Variants in CNNM1 observed in about 807,000 individuals in gnomAD.
The protein encoded by CNNM1 is cyclin and CBS domain divalent metal cation transport mediator 1.
CNNM1 carries 44 observed loss-of-function variants against 78.8 expected under a neutral mutation model. The observed-to-expected ratio is 0.56, with a 90% CI of 0.44 to 0.72. The LOEUF (loss-of-function observed/expected upper bound fraction) is 0.72, where lower values mean the gene tolerates loss of function less well. Among genes scored for constraint, CNNM1 ranks in the 30% least tolerant of loss-of-function variants. CNNM1 has a pLI of 0.00. For missense variants in CNNM1, 1,101 were observed against 1,292.2 expected (o/e 0.85, Z 2.27); for synonymous variants, 584 against 581.5 (o/e 1.00, Z -0.06).
intron 6 of CNNM1, 55 bp downstream of exon 6, chr10:99,365,057 C>A (rs1194536774): frequency 6.3e-7 from 1 of 1,588,244 alleles, no homozygotes. Context: ...CTGCCTCAGC[C>A]CGCTCTGGGG....
chr10:99,360,157 C>G (rs1564949471), intron 2 of CNNM1, among the ~76,000 whole-genome samples: 1 of 152,188 alleles, frequency 6.6e-6, no homozygotes, highest in Non-Finnish European at 1.5e-5. Flanking sequence ...CTCTCTTCTT[C>G]CCTATATTTC....
At chr10:99,378,169 G>A (rs762110354) in intron 7 of CNNM1, among the ~76,000 whole-genome samples, 3 of 152,040 alleles carry the variant, frequency 2.0e-5, no homozygotes, top group African/African-American at 4.8e-5. Context: ...TCACCATGTT[G>A]GTCAGGTTGG....
At chr10:99,370,001 A>T (rs1379782056) in intron 6 of CNNM1, among the ~76,000 whole-genome samples, 1 of 152,204 alleles carries the variant, frequency 6.6e-6, no homozygotes, top group Non-Finnish European at 1.5e-5. Context: ...CAAAGCGAGG[A>T]TGTGTTTTCC....
rs569832783 is a variant in CNNM1 at position 99,393,827 on chromosome 10, T to A, written c.*2311T>A. 6.6e-6 allele frequency: 1 copy of A among 152,280 alleles called. No individual in the cohort carries two copies. Among genetic ancestry groups the A allele is most frequent in the Non-Finnish European group, 1.5e-5 (1 of 68,126 alleles). The allele number at this position is 152,280 out of a possible 1,614,324, so 9.4% of individuals were successfully genotyped here. A position where few individuals can be genotyped will look rare whatever the true frequency, so the allele number is the denominator to read the frequency against. On this transcript the variant is annotated 3_prime_UTR_variant, in exon 11 of 11. Transcript: ENST00000356713. ...CGTGTGGAAGTAAAGACTTTGGAGC[T>A]AGAGAAGCCTTTTCCAGCAATGATT...
chr10:99,377,960 C>CTTTTTTTTTTTTT, intron 7 of CNNM1, among the ~76,000 whole-genome samples: 1 of 89,646 alleles, frequency 1.1e-5, no homozygotes. Context: ...TCCATAGGTT[C>CTTTTTTTTTTTTT]TTTTTTTTTT....
intron 1 of CNNM1, among the ~76,000 whole-genome samples, chr10:99,354,490 G>A (rs1240656106): frequency 6.6e-6 from 1 of 152,198 alleles, no homozygotes; most frequent in Admixed American, 6.5e-5. Context: ...CTGATATATG[G>A]AGGGAACTTT....
At position 99,364,997 on chromosome 10, in the gene CNNM1, T is replaced by C. The variant is rs896314833; in HGVS notation, c.2171T>C (p.Val724Ala). ...RKVGSLAGSS[V>A]FLNRSPSRCS... Reference sequence around the variant, plus strand: ...GTTGGAAGTCTGGCTGGATCTTCTGTCTTTCGTATGTATCTCTCAAACCCC... The same window carrying C: ...GTTGGAAGTCTGGCTGGATCTTCTGCCTTTCGTATGTATCTCTCAAACCCC... The change falls in exon 6 of 11, where the codon GTC (valine) becomes GCC (alanine). Residue 724 changes from valine (V) to alanine (A), a missense_variant. Val to Ala is a moderately conservative substitution (Grantham distance 64, BLOSUM62 0). This residue lies in a region of CNNM1 where 348 missense variants were observed against 384.5 expected (regional missense o/e 0.90). Transcript: ENST00000356713. The C allele has an allele frequency of 6.2e-7, 1 of 1,613,802 alleles. No individual in the cohort carries two copies.
Position 99,360,493 on chromosome 10 carries a change from ATAT to A in CNNM1, c.1718-336_1718-334del, listed in dbSNP as rs147889286. On this transcript the variant is annotated intron_variant, in intron 2 of 10. Transcript: ENST00000356713. ...AAGATGAGTATGAGAGCTATATTAA[ATAT>A]TATTAGCCTCCTTGTACAGATTAAA... Among the ~76,000 whole-genome samples, 433 of 152,330 alleles carry A rather than the reference ATAT, an allele frequency of 2.8e-3. 3 individuals carry two copies. Among genetic ancestry groups the A allele is most frequent in the African/African-American group, 9.9e-3 (410 of 41,570 alleles).
At chr10:99,366,072 G>A (rs943919198) in intron 6 of CNNM1, among the ~76,000 whole-genome samples, 1 of 152,228 alleles carries the variant, frequency 6.6e-6, no homozygotes, top group African/African-American at 2.4e-5. Flanking sequence ...ACAATTTACA[G>A]TGTAATTGTT....
intron 1 of CNNM1, among the ~76,000 whole-genome samples, chr10:99,338,335 G>A (rs1029578486): frequency 2.8e-5 from 4 of 143,972 alleles, no homozygotes; most frequent in Admixed American, 1.4e-4. Context: ...TCACTTTGTC[G>A]CCCAGGCTGG....
chr10:99,389,414 C>G (rs1414573632), intron 9 of CNNM1, among the ~76,000 whole-genome samples: 1 of 52,572 alleles, frequency 1.9e-5, no homozygotes, highest in Non-Finnish European at 3.8e-5. Flanking sequence ...GAGATTCCAT[C>G]TCAAAAAAAA....
At chr10:99,359,237 A>T (rs1241085337) in intron 2 of CNNM1, among the ~76,000 whole-genome samples, 1 of 148,528 alleles carries the variant, frequency 6.7e-6, no homozygotes, top group Non-Finnish European at 1.5e-5. Context: ...TGGCAATCTG[A>T]TGGGGGAGAG....
At chr10:99,338,479 G>T (rs61870932) in intron 1 of CNNM1, among the ~76,000 whole-genome samples, 1 of 151,964 alleles carries the variant, frequency 6.6e-6, no homozygotes, top group African/African-American at 2.4e-5. Flanking sequence ...AGGTTTCACC[G>T]TGTTGCCCGG....
At position 99,356,851 on chromosome 10, in the gene CNNM1, C is replaced by T. The variant is rs117439399; in HGVS notation, c.1574-661C>T. On this transcript the variant is annotated intron_variant, in intron 1 of 10. Transcript: ENST00000356713. Reference sequence around the variant, plus strand: ...ACTATGGTGGCCTCAGGGTAGTAGTCAGACTTCTTACAATGTTCTTGCAGC... The same window carrying T: ...ACTATGGTGGCCTCAGGGTAGTAGTTAGACTTCTTACAATGTTCTTGCAGC... Among the ~76,000 whole-genome samples, 781 of 152,300 alleles carry T rather than the reference C, an allele frequency of 5.1e-3. 3 individuals are homozygous for T. Among genetic ancestry groups the T allele is most frequent in the Non-Finnish European group, 8.9e-3 (604 of 68,030 alleles).
chr10:99,330,214 G>A lies in CNNM1; in HGVS notation c.827G>A (p.Arg276His), dbSNP rs1271444204. The change falls in exon 1 of 11, where the codon CGC becomes CAC. Residue 276 changes from arginine (R) to histidine (H), a missense_variant. Around this residue, in one of 3 missense-constraint regions of CNNM1, gnomAD observed 476 missense variants for 484.5 expected, o/e 0.98. Transcript: ENST00000356713. ...CAGGCGCGCCGCGTGCAGGCCGTTC[G>A]CGGCAGGGGGACCCATCTGCTCTGC... ...QEQARRVQAV[R>H]GRGTHLLCTL... is the part of the protein sequence containing the mutation. The A allele has an allele frequency of 1.3e-6, 2 of 1,514,172 alleles. No individual in the cohort carries two copies. Among genetic ancestry groups the A allele is most frequent in the East Asian group, 2.4e-5 (1 of 40,922 alleles). The allele number at this position is 1,514,172 out of a possible 1,614,324, so 93.8% of individuals were successfully genotyped here. A position where few individuals can be genotyped will look rare whatever the true frequency, so the allele number is the denominator to read the frequency against.
intron 1 of CNNM1, among the ~76,000 whole-genome samples, chr10:99,348,020 ATGTG>A (rs750274417): frequency 1.4e-5 from 2 of 141,862 alleles, no homozygotes; most frequent in African/African-American, 5.4e-5. Context: ...TATATATATG[ATGTG>A]TGTGTGTGTG....
chr10:99,332,787 G>A (rs2134010810), intron 1 of CNNM1, among the ~76,000 whole-genome samples: 1 of 152,296 alleles, frequency 6.6e-6, no homozygotes, highest in African/African-American at 2.4e-5. Flanking sequence ...GGAGAGAAAT[G>A]TATATATGGC....
At chr10:99,335,000 G>A (rs1401222951) in intron 1 of CNNM1, among the ~76,000 whole-genome samples, 2 of 152,150 alleles carry the variant, frequency 1.3e-5, no homozygotes, top group African/African-American at 4.8e-5. Context: ...TACATCTGTA[G>A]GACCCGAAAG....
rs1037972911 is a variant in CNNM1 at position 99,392,871 on chromosome 10, T to A, written c.*1355T>A. On this transcript the variant is annotated 3_prime_UTR_variant, in exon 11 of 11. Coordinates refer to ENST00000356713, the MANE Select transcript of CNNM1 (RefSeq NM_020348.3). ...TACTCGGGAGGCTGAGGCAGGAGAATCGCTTGAACCTGGGAGGCAGAGGTT... is the reference window on the plus strand; with the variant it reads ...TACTCGGGAGGCTGAGGCAGGAGAAACGCTTGAACCTGGGAGGCAGAGGTT... 2.0e-5 allele frequency: 3 copies of A among 151,956 alleles called. No individual in the cohort carries two copies. The highest frequency in any genetic ancestry group is 7.3e-5 in the African/African-American group (3 of 41,004). 9.4% of individuals were successfully genotyped at this position (151,956 alleles called of 1,614,324 possible).
Sources: allele counts gnomAD v4.1 joint callset (sites outside exome capture counted in the v4.1 genomes callset), GRCh38; gene constraint gnomAD v4.1.1; regional missense constraint gnomAD v4.1.1; transcripts MANE v1.5; gene names NCBI Gene and HGNC (gene_info 2026-07-23, HGNC 2026-07-21).